ARHGAP12: variants seen among roughly 807,000 people sequenced by gnomAD.
ARHGAP12 encodes rho GTPase-activating protein 12.
A neutral mutation model predicts 108.6 loss-of-function variants in ARHGAP12; 64 were observed. That is an observed-to-expected ratio of 0.59 (90% CI 0.48 to 0.73). The LOEUF is 0.73. Ranked by LOEUF, ARHGAP12 falls within the 30% of genes least tolerant of loss-of-function variation. The pLI is 0.00. For missense variants in ARHGAP12, 940 were observed against 1,005.9 expected, an observed-to-expected ratio of 0.93 and a Z score of 0.89; for synonymous variants, 312 against 337.2, an observed-to-expected ratio of 0.93 and a Z score of 0.82.
At chr10:31,891,553 T>C (rs1477003153) in intron 3 of ARHGAP12, among the ~76,000 whole-genome samples, 1 of 152,170 alleles carries the variant, frequency 6.6e-6, no homozygotes, top group Non-Finnish European at 1.5e-5. Context: ...CTGATAATTA[T>C]GTATCTTGGA....
chr10:31,830,155 T>C (rs1835778224), intron 10 of ARHGAP12, among the ~76,000 whole-genome samples: 1 of 152,188 alleles, frequency 6.6e-6, no homozygotes, highest in Non-Finnish European at 1.5e-5. Flanking sequence ...TTTCTCACAG[T>C]ATCTGTAGAT....
intron 3 of ARHGAP12, among the ~76,000 whole-genome samples, chr10:31,887,658 T>C (rs1838238040): frequency 8.1e-6 from 1 of 124,014 alleles, no homozygotes; most frequent in Admixed American, 8.9e-5. Flanking sequence ...CTGTTTTTTT[T>C]TTGTTTTTTT....
intron 7 of ARHGAP12, among the ~76,000 whole-genome samples, chr10:31,841,434 C>T (rs566813680): frequency 6.6e-6 from 1 of 152,116 alleles, no homozygotes; most frequent in African/African-American, 2.4e-5. Context: ...AGAAAACATA[C>T]TTGAAATTTT....
chr10:31,864,677 G>A (rs1048544790), intron 3 of ARHGAP12, among the ~76,000 whole-genome samples: 6 of 152,208 alleles, frequency 3.9e-5, no homozygotes, highest in East Asian at 1.9e-4. Context: ...ATGTGATAAA[G>A]AGAGGAAACT....
intron 1 of ARHGAP12, among the ~76,000 whole-genome samples, chr10:31,926,026 T>C (rs920343179): frequency 7.3e-6 from 1 of 137,868 alleles, no homozygotes; most frequent in African/African-American, 3.6e-5. Flanking sequence ...AAGTAATTTA[T>C]ATAGGCATTA....
At chr10:31,851,373 G>T (rs1480806340) in intron 6 of ARHGAP12, among the ~76,000 whole-genome samples, 1 of 152,112 alleles carries the variant, frequency 6.6e-6, no homozygotes, top group Admixed American at 6.6e-5. Flanking sequence ...AAATTCTGAG[G>T]CTATGCTTCA....
intron 6 of ARHGAP12, among the ~76,000 whole-genome samples, chr10:31,849,951 A>G (rs562128662): frequency 6.6e-6 from 1 of 152,298 alleles, no homozygotes; most frequent in Admixed American, 6.5e-5. Flanking sequence ...TGAGTTATAA[A>G]GAAACCCAGT....
chr10:31,847,507 T>C (rs980896515), intron 6 of ARHGAP12, among the ~76,000 whole-genome samples: 4 of 152,088 alleles, frequency 2.6e-5, no homozygotes, highest in African/African-American at 9.7e-5. Context: ...TTCTCAAAGA[T>C]TTTGCTATGT....
chr10:31,918,260 T>A (rs993475248), intron 1 of ARHGAP12, among the ~76,000 whole-genome samples: 1 of 151,782 alleles, frequency 6.6e-6, no homozygotes. Flanking sequence ...CATCTGTATA[T>A]AAGCGGCCAG....
chr10:31,869,453 C>T (rs1038654924), intron 3 of ARHGAP12, among the ~76,000 whole-genome samples: 1 of 152,028 alleles, frequency 6.6e-6, no homozygotes, highest in Non-Finnish European at 1.5e-5. Context: ...AGGAGAATTG[C>T]GTGAACCTGG....
At chr10:31,896,251 A>G (rs1838688026) in intron 3 of ARHGAP12, among the ~76,000 whole-genome samples, 1 of 150,320 alleles carries the variant, frequency 6.7e-6, no homozygotes, top group Non-Finnish European at 1.5e-5. Flanking sequence ...AAATATATAT[A>G]TAAATAAAAT....
At chr10:31,834,246 T>A (rs1041601065) in intron 9 of ARHGAP12, among the ~76,000 whole-genome samples, 2 of 152,210 alleles carry the variant, frequency 1.3e-5, no homozygotes, top group Non-Finnish European at 2.9e-5. Flanking sequence ...ACAGACTAAA[T>A]GTTTGTGTCC....
chr10:31,820,186 TAC>T (rs1835353834), intron 12 of ARHGAP12, among the ~76,000 whole-genome samples, 199 bp downstream of exon 12: 1 of 152,180 alleles, frequency 6.6e-6, no homozygotes, highest in South Asian at 2.1e-4. Context: ...GCTTGTAATA[TAC>T]AGTCTGAGTT....
chr10:31,886,471 T>A (rs548539913), intron 3 of ARHGAP12, among the ~76,000 whole-genome samples: 27 of 152,298 alleles, frequency 1.8e-4, no homozygotes, highest in African/African-American at 6.5e-4. Context: ...GATTTTTTTT[T>A]AATCATAGAT....
intron 9 of ARHGAP12, among the ~76,000 whole-genome samples, chr10:31,832,770 T>A (rs1383064364): frequency 6.6e-6 from 1 of 152,182 alleles, no homozygotes; most frequent in African/African-American, 2.4e-5. Flanking sequence ...TTTTTCTGCA[T>A]GAGAGATAAA....
In ARHGAP12 at chr10:31,853,931, A is replaced by G. The variant is rs558504996; in HGVS notation, c.1089+135T>C. 8.6e-6 allele frequency: 8 copies of G among 926,010 alleles called. No homozygotes were observed. The East Asian group carries it at 1.7e-4, about 19-fold the overall frequency. 57.4% of individuals were successfully genotyped at this position (926,010 alleles called of 1,614,324 possible). A position where few individuals can be genotyped will look rare whatever the true frequency, so the allele number is the denominator to read the frequency against. On this transcript the variant is annotated intron_variant, in intron 5 of 19. Coordinates refer to ENST00000344936, the MANE Select transcript of ARHGAP12 (RefSeq NM_018287.7). ...GTTACACTGAGTTTTCGTATTGTCA[A>G]TTGGCATGATTATAAAGTTACAATG...
intron 9 of ARHGAP12, 44 bp from the exon 10 acceptor site, chr10:31,831,844 G>A (rs756983759): frequency 8.5e-6 from 11 of 1,290,658 alleles, no homozygotes; most frequent in Non-Finnish European, 1.1e-5. Flanking sequence ...CATAGACAAT[G>A]AGGTCCAAGT....
intron 3 of ARHGAP12, among the ~76,000 whole-genome samples, chr10:31,872,198 T>C (rs1319944085): frequency 6.6e-6 from 1 of 152,170 alleles, no homozygotes; most frequent in Non-Finnish European, 1.5e-5. Flanking sequence ...TAATCTATCA[T>C]GAAATCCACA....
chr10:31,916,966 T>TA (rs1164292731), intron 1 of ARHGAP12, among the ~76,000 whole-genome samples: 1 of 152,172 alleles, frequency 6.6e-6, no homozygotes, highest in Non-Finnish European at 1.5e-5. Context: ...CCAATCCAGA[T>TA]ACGTATAACC....
Sources: allele counts gnomAD v4.1 joint callset (sites outside exome capture counted in the v4.1 genomes callset), GRCh38; gene constraint gnomAD v4.1.1; transcripts MANE v1.5; gene names NCBI Gene and HGNC (gene_info 2026-07-23, HGNC 2026-07-21).